Variants in CNTN5 observed in about 807,000 individuals in gnomAD.
CNTN5 encodes the protein contactin 5.
CNTN5 carries 77 observed loss-of-function variants against 129.1 expected under a neutral mutation model. The ratio of observed to expected loss-of-function variants is 0.60; its 90% CI spans 0.50 to 0.72. CNTN5 has a LOEUF of 0.72. Among genes scored for constraint, CNTN5 ranks in the 30% least tolerant of loss-of-function variants. The pLI is 0.00. For synonymous variants in CNTN5, 509 were observed against 465.6 expected (o/e 1.09, Z -1.20); for missense variants, 1,478 against 1,328.8 (o/e 1.11, Z -1.75).
At chr11:99,129,742 C>T (rs1858836414) in intron 1 of CNTN5, among the ~76,000 whole-genome samples, 1 of 152,208 alleles carries the variant, frequency 6.6e-6, no homozygotes, top group Admixed American at 6.5e-5. Flanking sequence ...AAAGGGAAAC[C>T]CATCAGACTA....
chr11:99,267,917 C>A (rs1862979021), intron 1 of CNTN5, among the ~76,000 whole-genome samples: 1 of 101,980 alleles, frequency 9.8e-6, no homozygotes, highest in Admixed American at 1.2e-4. Flanking sequence ...CACACACACA[C>A]ACGCACACAC....
chr11:99,159,297 G>A (rs1026976717), intron 1 of CNTN5, among the ~76,000 whole-genome samples: 1 of 152,142 alleles, frequency 6.6e-6, no homozygotes, highest in Non-Finnish European at 1.5e-5. Context: ...AATTTCAAAA[G>A]GGGCAGGCAA....
intron 1 of CNTN5, among the ~76,000 whole-genome samples, chr11:99,158,589 A>G (rs1337790507): frequency 1.3e-5 from 2 of 152,168 alleles, no homozygotes; most frequent in Non-Finnish European, 2.9e-5. Context: ...CACGATTAAA[A>G]TTCCCAAATG....
chr11:100,026,463 C>T (rs1941422931), intron 9 of CNTN5, among the ~76,000 whole-genome samples: 1 of 152,092 alleles, frequency 6.6e-6, no homozygotes, highest in South Asian at 2.1e-4. Flanking sequence ...AACTGGCAAA[C>T]TGATTTCCAA....
intron 1 of CNTN5, among the ~76,000 whole-genome samples, chr11:99,059,096 T>A (rs985040266): frequency 6.0e-5 from 7 of 116,642 alleles, no homozygotes; most frequent in Non-Finnish European, 8.4e-5. Flanking sequence ...CCTCTCTCCC[T>A]CCTTTCATCT....
chr11:100,036,403 A>T (rs1197176066), intron 9 of CNTN5, among the ~76,000 whole-genome samples: 2 of 151,946 alleles, frequency 1.3e-5, no homozygotes, highest in East Asian at 3.9e-4. Context: ...AGGTAGCGTG[A>T]TGCCTCCAGC....
chr11:100,255,402 T>A (rs1400543470), intron 16 of CNTN5, among the ~76,000 whole-genome samples: 2 of 152,174 alleles, frequency 1.3e-5, no homozygotes, highest in Non-Finnish European at 2.9e-5. Flanking sequence ...GCACTGCCTA[T>A]CATTTTCTGT....
chr11:99,447,749 A>C (rs1297151631), intron 2 of CNTN5, among the ~76,000 whole-genome samples: 2 of 152,156 alleles, frequency 1.3e-5, no homozygotes, highest in Non-Finnish European at 2.9e-5. Flanking sequence ...ACATGGTGAA[A>C]TCCCATCTCT....
chr11:99,637,461 A>T (rs1480167740), intron 3 of CNTN5, among the ~76,000 whole-genome samples: 1 of 152,192 alleles, frequency 6.6e-6, no homozygotes, highest in East Asian at 1.9e-4. Context: ...TAGAGGGTGA[A>T]TTGGGAGAAC....
chr11:99,684,545 C>A (rs1049570941), intron 3 of CNTN5, among the ~76,000 whole-genome samples: 2 of 151,854 alleles, frequency 1.3e-5, no homozygotes, highest in African/African-American at 2.4e-5. Context: ...ATAGCAGATA[C>A]GCTTTTCCTC....
intron 2 of CNTN5, among the ~76,000 whole-genome samples, chr11:99,516,269 C>T (rs968011552): frequency 7.9e-5 from 12 of 152,128 alleles, no homozygotes; most frequent in African/African-American, 2.9e-4. Flanking sequence ...GGTATATGTT[C>T]TAATCAATTT....
chr11:100,083,930 T>C (rs561529515), intron 13 of CNTN5, among the ~76,000 whole-genome samples: 229 of 152,234 alleles, frequency 1.5e-3, no homozygotes, highest in Non-Finnish European at 2.0e-3. Context: ...TTGTTGAATA[T>C]AATAAAATAA....
chr11:99,079,376 A>G (rs1369008369), intron 1 of CNTN5, among the ~76,000 whole-genome samples: 2 of 152,164 alleles, frequency 1.3e-5, no homozygotes, highest in Non-Finnish European at 2.9e-5. Flanking sequence ...AATTCCTGCC[A>G]TATGCACTGC....
rs570340187 is a variant in CNTN5 at position 100,219,626 on chromosome 11, C to T, written c.1885-5066C>T. ...AACTGTTTCTGCATTTTTCTTAGGA[C>T]TTAAATTATTAGAATATGGATTGAA... On this transcript the variant is annotated intron_variant, in intron 15 of 24. Transcript: ENST00000524871. Among the ~76,000 whole-genome samples the T allele has an allele frequency of 2.1e-4, 32 of 152,246 alleles. No individual in the cohort carries two copies. In the South Asian group the frequency reaches 4.6e-3, roughly 22 times the overall value.
At chr11:100,237,402 T>C (rs1949643765) in intron 16 of CNTN5, among the ~76,000 whole-genome samples, 1 of 152,190 alleles carries the variant, frequency 6.6e-6, no homozygotes, top group South Asian at 2.1e-4. Context: ...GGTGTAACAC[T>C]ACATACGATG....
chr11:99,435,671 G>T (rs971168076), intron 2 of CNTN5, among the ~76,000 whole-genome samples: 1 of 152,160 alleles, frequency 6.6e-6, no homozygotes, highest in Non-Finnish European at 1.5e-5. Context: ...CAAATAACTT[G>T]TTTATAGGGT....
chr11:100,010,790 G>A (rs1337924969), intron 9 of CNTN5, among the ~76,000 whole-genome samples: 2 of 152,114 alleles, frequency 1.3e-5, no homozygotes, highest in Non-Finnish European at 2.9e-5. Context: ...TGCCACATCT[G>A]TGGCTCTGTG....
At chr11:100,319,308 G>A (rs568244042) in intron 21 of CNTN5, among the ~76,000 whole-genome samples, 1 of 151,966 alleles carries the variant, frequency 6.6e-6, no homozygotes, top group African/African-American at 2.4e-5. Flanking sequence ...ACGCACCACT[G>A]TGCCCAGGTG....
At chr11:99,787,413 A>C (rs1945571659) in intron 3 of CNTN5, among the ~76,000 whole-genome samples, 1 of 151,612 alleles carries the variant, frequency 6.6e-6, no homozygotes, top group South Asian at 2.1e-4. Flanking sequence ...TTTTTAAAAC[A>C]TTACTTATAA....
Sources: gnomAD v4.1 joint callset for allele counts (sites outside exome capture counted in the v4.1 genomes callset) on GRCh38, gnomAD v4.1.1 for gene constraint, MANE v1.5 for transcripts, NCBI Gene and HGNC (gene_info 2026-07-23, HGNC 2026-07-21) for gene names.